The following CSMD1 variants were observed in gnomAD, a reference collection of about 807,000 sequenced individuals.
CSMD1 encodes the protein CUB and Sushi multiple domains 1, also known as CUB and sushi domain-containing protein 1.
CSMD1 carries 213 observed loss-of-function variants against 417.5 expected under a neutral mutation model. The ratio of observed to expected loss-of-function variants is 0.51; its 90% CI spans 0.46 to 0.57. CSMD1 has a LOEUF of 0.57. Among genes scored for constraint, CSMD1 ranks in the 20% least tolerant of loss-of-function variants. The probability of loss-of-function intolerance (pLI) is 0.00; values close to 1 mark genes in which losing one functional copy is unlikely to be tolerated. For missense variants in CSMD1, 6,923 were observed against 4,529.7 expected, an observed-to-expected ratio of 1.53 and a Z score of -15.17; for synonymous variants, 2,862 against 1,736.8, an observed-to-expected ratio of 1.65 and a Z score of -16.11.
At chr8:3,867,818 CCCTCAATTCTAGG>C (rs1278254414) in intron 5 of CSMD1, among the ~76,000 whole-genome samples, 1 of 152,064 alleles carries the variant, frequency 6.6e-6, no homozygotes, top group Non-Finnish European at 1.5e-5. Flanking sequence ...AACTGACCTT[CCCTCAATTCTAGG>C]CCTCCATTTC....
intron 1 of CSMD1, among the ~76,000 whole-genome samples, chr8:4,907,632 T>C (rs1805383929): frequency 6.6e-6 from 1 of 152,130 alleles, no homozygotes; most frequent in African/African-American, 2.4e-5. Flanking sequence ...AAAACATGGC[T>C]CACTGCAGCC....
At chr8:3,017,057 G>T (rs1472105609) in intron 52 of CSMD1, among the ~76,000 whole-genome samples, 3 of 152,210 alleles carry the variant, frequency 2.0e-5, no homozygotes, top group African/African-American at 7.2e-5. Flanking sequence ...CCTGCATCCT[G>T]TATTGGTAAT....
At chr8:4,306,958 G>T (rs1328011981) in intron 3 of CSMD1, among the ~76,000 whole-genome samples, 1 of 152,168 alleles carries the variant, frequency 6.6e-6, no homozygotes, top group Admixed American at 6.5e-5. Flanking sequence ...CTACCCCCAA[G>T]CATCTCTCAG....
At chr8:4,402,652 T>G (rs1418050736) in intron 3 of CSMD1, among the ~76,000 whole-genome samples, 2 of 152,174 alleles carry the variant, frequency 1.3e-5, no homozygotes, top group African/African-American at 4.8e-5. Context: ...TCATCACATT[T>G]TCATTAATGA....
chr8:3,761,524 G>C (rs1004770600), intron 5 of CSMD1, among the ~76,000 whole-genome samples: 1 of 27,686 alleles, frequency 3.6e-5, no homozygotes. Flanking sequence ...TTTTTTTTTT[G>C]AGATGGAGTT....
intron 40 of CSMD1, among the ~76,000 whole-genome samples, chr8:3,150,301 C>T (rs1819115229): frequency 6.6e-6 from 1 of 152,200 alleles, no homozygotes; most frequent in African/African-American, 2.4e-5. Flanking sequence ...AGGTGACGGA[C>T]TCCCCAGGCC....
chr8:4,212,748 A>ATTTTTTTTTTTTTTTTTT (rs1233118651), intron 3 of CSMD1, among the ~76,000 whole-genome samples: 3 of 101,864 alleles, frequency 2.9e-5, no homozygotes, highest in African/African-American at 1.6e-4. Context: ...CAGCGGCCTT[A>ATTTTTTTTTTTTTTTTTT]TTCTTTTTTT....
At chr8:4,041,753 A>G (rs939241222) in intron 3 of CSMD1, among the ~76,000 whole-genome samples, 10 of 152,174 alleles carry the variant, frequency 6.6e-5, no homozygotes, top group Non-Finnish European at 1.5e-4. Flanking sequence ...CAGTCAGGTG[A>G]TGATGGAACA....
intron 3 of CSMD1, among the ~76,000 whole-genome samples, chr8:4,271,158 A>G (rs1172274033): frequency 6.6e-6 from 1 of 152,178 alleles, no homozygotes; most frequent in Non-Finnish European, 1.5e-5. Flanking sequence ...CACTACAGAT[A>G]TCATTTGCAT....
intron 7 of CSMD1, among the ~76,000 whole-genome samples, chr8:3,699,248 C>G (rs565522372): frequency 6.6e-6 from 1 of 152,236 alleles, no homozygotes; most frequent in Non-Finnish European, 1.5e-5. Flanking sequence ...TTACCAGCTG[C>G]TATCACCTTG....
At chr8:3,670,403 G>C (rs1798926711) in intron 7 of CSMD1, among the ~76,000 whole-genome samples, 1 of 151,126 alleles carries the variant, frequency 6.6e-6, no homozygotes. Flanking sequence ...GTCGGACCTT[G>C]TGAACATGTG....
chr8:4,614,654 C>T (rs573563492), intron 2 of CSMD1, among the ~76,000 whole-genome samples: 9 of 152,134 alleles, frequency 5.9e-5, no homozygotes, highest in Middle Eastern at 6.8e-3. Context: ...TACAAACGTG[C>T]GCACACACAC....
At chr8:3,070,712 A>G (rs2125950) in intron 49 of CSMD1, among the ~76,000 whole-genome samples, 87,036 of 151,562 alleles carry the variant, frequency 0.57, 25,312 homozygotes, top group Non-Finnish European at 0.6. Context: ...GAATTTACAA[A>G]CTTTCCTTTA....
chr8:4,491,341 C>A (rs190910949), intron 2 of CSMD1, among the ~76,000 whole-genome samples: 28 of 152,212 alleles, frequency 1.8e-4, no homozygotes, highest in Non-Finnish European at 2.5e-4. Flanking sequence ...CAAGTCTGGG[C>A]GCACGTGTCC....
At chr8:3,950,098 C>A (rs1171785056) in intron 5 of CSMD1, 2 of 432,016 alleles carry the variant, frequency 4.6e-6, no homozygotes, top group Non-Finnish European at 4.6e-6. Flanking sequence ...TCCTTAAAGG[C>A]AATGATAATA....
chr8:4,646,225 T>C (rs1050571054), intron 1 of CSMD1, among the ~76,000 whole-genome samples: 1 of 152,318 alleles, frequency 6.6e-6, no homozygotes, highest in South Asian at 2.1e-4. Flanking sequence ...ACTAATCTTT[T>C]TATTATATTT....
intron 3 of CSMD1, among the ~76,000 whole-genome samples, chr8:4,069,701 C>G (rs1219678987): frequency 6.6e-6 from 1 of 152,118 alleles, no homozygotes; most frequent in African/African-American, 2.4e-5. Flanking sequence ...TTATACTTCC[C>G]TTTCTTTCTC....
At chr8:4,092,025 CA>C (rs1417432936) in intron 3 of CSMD1, among the ~76,000 whole-genome samples, 1 of 152,072 alleles carries the variant, frequency 6.6e-6, no homozygotes, top group Non-Finnish European at 1.5e-5. Flanking sequence ...TATTACGTAG[CA>C]CATATCACAG....
At chr8:3,088,971 G>A (rs1229717105) in intron 48 of CSMD1, among the ~76,000 whole-genome samples, 1 of 152,016 alleles carries the variant, frequency 6.6e-6, no homozygotes. Context: ...TAACTCTACA[G>A]ATTCCAATAA....
Sources: allele counts gnomAD v4.1 joint callset (sites outside exome capture counted in the v4.1 genomes callset), GRCh38; gene constraint gnomAD v4.1.1; transcripts MANE v1.5; gene names NCBI Gene and HGNC (gene_info 2026-07-23, HGNC 2026-07-21).